MEAF6: variants seen among roughly 807,000 people sequenced by gnomAD.
MEAF6 encodes the protein MYST/Esa1 associated factor 6.
Under a neutral mutation model 28.9 loss-of-function variants are expected in MEAF6, and 15 were observed. That is an observed-to-expected ratio of 0.52 (90% confidence interval 0.35 to 0.80). The LOEUF (loss-of-function observed/expected upper bound fraction) is 0.80. Among genes scored for constraint, MEAF6 ranks in the 30% least tolerant of loss-of-function variants. MEAF6 has a pLI of 0.01. For synonymous variants in MEAF6, 97 were observed against 88.7 expected, an observed-to-expected ratio of 1.09 and a Z score of -0.53; for missense variants, 178 against 237.5, an observed-to-expected ratio of 0.75 and a Z score of 1.65.
chr1:37,493,884 C>T lies in MEAF6; in HGVS notation c.*215G>A. On this transcript the variant is annotated 3_prime_UTR_variant, in exon 7 of 7. Transcript: ENST00000296214. Reference sequence around the variant, plus strand: ...ACATTGTCTTCATCTTCCTGCAGTTCTGTTACTAAAAATGACATAAAGTAA... The same window carrying T: ...ACATTGTCTTCATCTTCCTGCAGTTTTGTTACTAAAAATGACATAAAGTAA... The T allele has an allele frequency of 6.4e-7, 1 of 1,568,204 alleles. No homozygotes were observed. The highest frequency in any genetic ancestry group is 1.2e-5 in the South Asian group (1 of 86,004).
intron 4 of MEAF6, among the ~76,000 whole-genome samples, chr1:37,506,553 GTT>G (rs1036763311): frequency 1.2e-4 from 19 of 152,026 alleles, no homozygotes; most frequent in African/African-American, 4.6e-4. Context: ...GTTTTGTTTT[GTT>G]TTGTTTTTGG....
In MEAF6 at chr1:37,491,119, G is replaced by C. The variant is rs918532712; in HGVS notation, c.*2980C>G. ...ATAAATGCAAAAACTAAGTCACAGA[G>C]TGTTTCAAGCTTAGGCTCTTTAACT... On this transcript the variant is annotated 3_prime_UTR_variant, in exon 7 of 7. Transcript: ENST00000296214. Among the ~76,000 whole-genome samples the C allele has an allele frequency of 6.6e-6, 1 of 152,226 alleles. No homozygotes were observed. Among genetic ancestry groups the C allele is most frequent in the Admixed American group, 6.5e-5 (1 of 15,276 alleles).
At chr1:37,510,759 G>C (rs141984374) in intron 2 of MEAF6, among the ~76,000 whole-genome samples, 1 of 151,664 alleles carries the variant, frequency 6.6e-6, no homozygotes, top group African/African-American at 2.4e-5. Flanking sequence ...TTTCACTCTT[G>C]TTGCCCAGGC....
intron 1 of MEAF6, chr1:37,513,782 T>C: frequency 3.5e-6 from 2 of 569,760 alleles, no homozygotes; most frequent in South Asian, 4.7e-5. Flanking sequence ...ACACGCGAAA[T>C]TTTGCATATA....
chr1:37,493,999 G>A lies in MEAF6; in HGVS notation c.*100C>T. Reference sequence around the variant, plus strand: ...AGGCACTGGGTCTGGGAGAGCAGAGGTGGATGGCCACGAACTCAGGTGAAG... The same window carrying A: ...AGGCACTGGGTCTGGGAGAGCAGAGATGGATGGCCACGAACTCAGGTGAAG... On this transcript the variant is annotated 3_prime_UTR_variant, in exon 7 of 7. Coordinates refer to ENST00000296214, the MANE Select transcript of MEAF6 (RefSeq NM_001270875.3). 6.3e-7 allele frequency: 1 copy of A among 1,586,682 alleles called. No homozygotes were observed.
intron 4 of MEAF6, among the ~76,000 whole-genome samples, chr1:37,502,479 A>G (rs896552584): frequency 2.6e-5 from 4 of 152,072 alleles, no homozygotes; most frequent in African/African-American, 9.7e-5. Flanking sequence ...GACTGTACAA[A>G]AAAAAAGGGG....
chr1:37,495,704 C>CAAAAA (rs1217893546), intron 6 of MEAF6, among the ~76,000 whole-genome samples, 181 bp downstream of exon 6: 1 of 64,498 alleles, frequency 1.6e-5, no homozygotes, highest in African/African-American at 5.5e-5. Context: ...AAACAAAAAA[C>CAAAAA]AAAAAAAAAA....
chr1:37,493,627 A>C lies in MEAF6; in HGVS notation c.*472T>G. On this transcript the variant is annotated 3_prime_UTR_variant, in exon 7 of 7. Coordinates refer to ENST00000296214, the MANE Select transcript of MEAF6 (RefSeq NM_001270875.3). The stretch of plus-strand genomic sequence containing the variant: ...GCATTACAAAAAAACCCCAAAGAAA[A>C]TAAGATAAAAACAACAAGAGAAAAA... The C allele has an allele frequency of 3.9e-6, 3 of 777,772 alleles. No individual in the cohort carries two copies. Among genetic ancestry groups the C allele is most frequent in the Admixed American group, 2.9e-5 (1 of 34,916 alleles). The allele number at this position is 777,772 out of a possible 1,614,324, so 48.2% of individuals were successfully genotyped here.
At chr1:37,507,186 G>A (rs568722478) in intron 4 of MEAF6, among the ~76,000 whole-genome samples, 1 of 152,306 alleles carries the variant, frequency 6.6e-6, no homozygotes, top group African/African-American at 2.4e-5. Flanking sequence ...TGGGCATGGT[G>A]ATGCACACCT....
At chr1:37,500,869 C>A (rs757413776) in intron 5 of MEAF6, 5 of 154,094 alleles carry the variant, frequency 3.2e-5, no homozygotes, top group Middle Eastern at 1.1e-3. Context: ...CTGCTCAGCA[C>A]GCAGTCTTCC....
chr1:37,510,780 T>C (rs1402982502), intron 2 of MEAF6, among the ~76,000 whole-genome samples: 2 of 152,120 alleles, frequency 1.3e-5, no homozygotes, highest in Non-Finnish European at 1.5e-5. Context: ...TGGACTGCAA[T>C]GGCGCGAGCT....
rs745612727 is a variant in MEAF6, at chr1:37,514,645, C to T, written c.90+12G>A. 1.3e-6 allele frequency: 2 copies of T among 1,524,256 alleles called. No individual in the cohort carries two copies. Among genetic ancestry groups the T allele is most frequent in the East Asian group, 2.8e-5 (1 of 35,354 alleles). The allele number at this position is 1,524,256 out of a possible 1,614,324, so 94.4% of individuals were successfully genotyped here. A position where few individuals can be genotyped will look rare whatever the true frequency, so the allele number is the denominator to read the frequency against. ...AGCCCCATGCCGTGCAACCCCTGTC[C>T]TAGCCCCTCACCGCCAGCTCCTGCT... On this transcript the variant is annotated intron_variant, in intron 1 of 6. Coordinates refer to ENST00000296214, the MANE Select transcript of MEAF6 (RefSeq NM_001270875.3).
rs189160070 is a variant in MEAF6, at chr1:37,492,023, G to C, written c.*2076C>G. Among the ~76,000 whole-genome samples, 269 of 145,122 alleles carry C rather than the reference G, an allele frequency of 1.9e-3. 1 individual carries two copies. The highest frequency in any genetic ancestry group is 6.4e-3 in the African/African-American group (257 of 39,988). ...ATCTCTAGCAATCTCAAACTGTTAA[G>C]AGTCAAAAATATTTTTTTTTTTTGA... is the stretch of plus-strand genomic sequence containing the variant. On this transcript the variant is annotated 3_prime_UTR_variant, in exon 7 of 7. Transcript: ENST00000296214.
intron 4 of MEAF6, among the ~76,000 whole-genome samples, chr1:37,502,616 T>A (rs1185306003): frequency 9.4e-6 from 1 of 106,524 alleles, no homozygotes; most frequent in Non-Finnish European, 2.2e-5. Flanking sequence ...CTCGTAAGTC[T>A]TTTTTTTTTT....
intron 4 of MEAF6, among the ~76,000 whole-genome samples, chr1:37,506,972 C>T (rs1293261685): frequency 6.6e-6 from 1 of 152,214 alleles, no homozygotes; most frequent in Non-Finnish European, 1.5e-5. Context: ...GACAGGTAAA[C>T]AGCCATATAC....
intron 2 of MEAF6, among the ~76,000 whole-genome samples, chr1:37,510,182 T>C (rs1439595812): frequency 2.0e-5 from 3 of 151,560 alleles, no homozygotes; most frequent in Non-Finnish European, 4.4e-5. Flanking sequence ...GTTCAGACGA[T>C]TCTCCTGCCT....
intron 4 of MEAF6, among the ~76,000 whole-genome samples, chr1:37,508,908 G>A (rs1642573852): frequency 6.6e-6 from 1 of 152,158 alleles, no homozygotes; most frequent in South Asian, 2.1e-4. Context: ...ACTAGCCTGG[G>A]CAACATAGTG....
At chr1:37,513,759 G>GA (rs1642742042) in intron 1 of MEAF6, 1 of 574,150 alleles carries the variant, frequency 1.7e-6, no homozygotes, top group South Asian at 2.3e-5. Context: ...CATGTCTCCA[G>GA]AAAAATACAC....
At chr1:37,496,286 C>G (rs1160179864) in intron 5 of MEAF6, among the ~76,000 whole-genome samples, 1 of 152,164 alleles carries the variant, frequency 6.6e-6, no homozygotes, top group Non-Finnish European at 1.5e-5. Context: ...ATTACTGAGA[C>G]ACATGGTGAT....
Sources: allele counts gnomAD v4.1 joint callset (sites outside exome capture counted in the v4.1 genomes callset), GRCh38; gene constraint gnomAD v4.1.1; transcripts MANE v1.5; gene names NCBI Gene and HGNC (gene_info 2026-07-23, HGNC 2026-07-21).